The following ZFYVE28 variants were observed in gnomAD, a reference collection of about 807,000 sequenced individuals.
ZFYVE28 encodes the protein lateral signaling target protein 2 homolog.
Under a neutral mutation model 82.1 loss-of-function variants are expected in ZFYVE28, and 40 were observed. The observed-to-expected ratio is 0.49, with a 90% confidence interval of 0.38 to 0.63. The LOEUF is 0.63. ZFYVE28 is among the 30% of genes least tolerant of loss of function. The probability of loss-of-function intolerance (pLI) is 0.00; values close to 1 mark genes in which losing one functional copy is unlikely to be tolerated. For synonymous variants in ZFYVE28, 612 were observed against 546.1 expected (o/e 1.12, Z -1.68); for missense variants, 1,321 against 1,242.1 (o/e 1.06, Z -0.96).
chr4:2,350,597 G>A (rs142037941), intron 2 of ZFYVE28, among the ~76,000 whole-genome samples: 1 of 152,200 alleles, frequency 6.6e-6, no homozygotes, highest in East Asian at 1.9e-4. Flanking sequence ...TGGCTGGGGG[G>A]CCCTAGACAG....
intron 8 of ZFYVE28, among the ~76,000 whole-genome samples, chr4:2,291,239 C>G (rs976738533): frequency 1.3e-5 from 2 of 152,240 alleles, no homozygotes; most frequent in African/African-American, 2.4e-5. Flanking sequence ...AACCCGCTTC[C>G]TCTTGCTTTC....
At chr4:2,274,554 A>T (rs370806675) in intron 8 of ZFYVE28, among the ~76,000 whole-genome samples, 1 of 151,914 alleles carries the variant, frequency 6.6e-6, no homozygotes, top group Non-Finnish European at 1.5e-5. Context: ...GGAAGCGTCA[A>T]CTCACCTTTC....
At chr4:2,412,297 G>T (rs1732605942) in intron 1 of ZFYVE28, among the ~76,000 whole-genome samples, 1 of 152,158 alleles carries the variant, frequency 6.6e-6, no homozygotes, top group Admixed American at 6.5e-5. Context: ...GAAACCCTAA[G>T]GTAGCTAAAC....
intron 1 of ZFYVE28, among the ~76,000 whole-genome samples, chr4:2,393,695 G>A (rs530638771): frequency 6.6e-6 from 1 of 152,328 alleles, no homozygotes; most frequent in South Asian, 2.1e-4. Flanking sequence ...TTAAGCTGCT[G>A]AGACTCCCGC....
At chr4:2,413,861 G>A (rs1220133742) in intron 1 of ZFYVE28, among the ~76,000 whole-genome samples, 3 of 152,194 alleles carry the variant, frequency 2.0e-5, no homozygotes, top group Non-Finnish European at 4.4e-5. Flanking sequence ...CCCCACTCGT[G>A]CCAGGCCCCA....
In ZFYVE28 at chr4:2,341,626, A is replaced by T; in HGVS notation, c.181-11T>A. On this transcript the variant is annotated splice_polypyrimidine_tract_variant and intron_variant, in intron 2 of 12. Coordinates refer to ENST00000290974, the MANE Select transcript of ZFYVE28 (RefSeq NM_020972.3). This position sits in a 1 kb window ranked among gnomAD's most constrained non-coding sequence, Gnocchi z 4.5. The stretch of plus-strand genomic sequence containing the variant: ...GTTCAACACATTGTCCTGAAACAGA[A>T]GACAGGAGAAAGTGCGCCAATCGCT... 1 of 1,597,964 alleles carries T rather than the reference A, an allele frequency of 6.3e-7. No individual in the cohort carries two copies. The highest frequency in any genetic ancestry group is 8.6e-7 in the Non-Finnish European group (1 of 1,166,786).
chr4:2,307,042 A>G lies in ZFYVE28; in HGVS notation c.804-1506T>C, dbSNP rs1716687045. ...CACACCTGCCCACAGCTTGGCTGAC[A>G]GCATGGCTTGCCCCAGGCCCTCGAG... is the stretch of plus-strand genomic sequence containing the variant. On this transcript the variant is annotated intron_variant, in intron 7 of 12. Coordinates refer to ENST00000290974, the MANE Select transcript of ZFYVE28 (RefSeq NM_020972.3). 2.0e-5 allele frequency: 3 copies of G among 152,462 alleles called. No individual in the cohort carries two copies. In the South Asian group the frequency reaches 6.2e-4, roughly 32 times the overall value. The allele number at this position is 152,462 out of a possible 1,614,324, so 9.4% of individuals were successfully genotyped here.
chr4:2,397,123 A>C (rs1560334959), intron 1 of ZFYVE28, among the ~76,000 whole-genome samples: 2 of 152,340 alleles, frequency 1.3e-5, no homozygotes, highest in Admixed American at 1.3e-4. Context: ...TGATGTAAAC[A>C]TAACACAAAA....
intron 1 of ZFYVE28, chr4:2,364,470 T>C (rs1377428197): frequency 2.0e-6 from 2 of 985,280 alleles, no homozygotes; most frequent in Admixed American, 6.1e-5. Flanking sequence ...TCAATTCACA[T>C]CAATAAGTAC....
chr4:2,322,878 C>T (rs186716439), intron 6 of ZFYVE28, among the ~76,000 whole-genome samples: 64 of 152,290 alleles, frequency 4.2e-4, no homozygotes, highest in African/African-American at 1.4e-3. Context: ...CTTTGCACCA[C>T]GTTTTCAAGG....
chr4:2,349,192 C>T (rs1179042), intron 2 of ZFYVE28, among the ~76,000 whole-genome samples: 13,340 of 152,034 alleles, frequency 0.088, 763 homozygotes, highest in Middle Eastern at 0.22. Flanking sequence ...TTTGGCAGCT[C>T]GACACAGTTT....
chr4:2,299,237 GAAC>G (rs749293236), intron 8 of ZFYVE28, among the ~76,000 whole-genome samples: 4 of 152,124 alleles, frequency 2.6e-5, no homozygotes, highest in Admixed American at 6.5e-5. Flanking sequence ...GGCGCTAACA[GAAC>G]AACTGCCCAG....
intron 2 of ZFYVE28, among the ~76,000 whole-genome samples, chr4:2,352,954 C>T (rs1724692339): frequency 6.6e-6 from 1 of 152,220 alleles, no homozygotes; most frequent in Admixed American, 6.5e-5. Context: ...GCTCCAGGGC[C>T]CCCAGCACCT....
intron 8 of ZFYVE28, among the ~76,000 whole-genome samples, chr4:2,282,720 GACTA>G (rs1712119781): frequency 6.6e-6 from 1 of 152,206 alleles, no homozygotes; most frequent in African/African-American, 2.4e-5. Context: ...ACTTTGGAAA[GACTA>G]ACAGCATCAC....
chr4:2,320,100 T>G lies in ZFYVE28; in HGVS notation c.803+70A>C, dbSNP rs1306841568. On this transcript the variant is annotated intron_variant, in intron 7 of 12. Transcript: ENST00000290974. The surrounding 1 kb of genome is among the most constrained non-coding windows in gnomAD (Gnocchi z 5.1). The stretch of plus-strand genomic sequence containing the variant: ...AGGACCTGGAGGCGGCGGCTAAACA[T>G]GACTTCAGCGCCCACCTGTGGCCCT... The G allele has an allele frequency of 4.1e-6, 6 of 1,476,390 alleles. No individual in the cohort carries two copies. The highest frequency in any genetic ancestry group is 5.6e-6 in the Non-Finnish European group (6 of 1,062,312). The allele number at this position is 1,476,390 out of a possible 1,614,324, so 91.5% of individuals were successfully genotyped here.
At chr4:2,271,011 C>T in intron 12 of ZFYVE28, 155 bp from the exon 13 acceptor site, 1 of 1,169,716 alleles carries the variant, frequency 8.5e-7, no homozygotes, top group Non-Finnish European at 1.2e-6. Flanking sequence ...CTTCAGGAGG[C>T]TGGACTCTAT....
At chr4:2,405,084 C>T (rs919214513) in intron 1 of ZFYVE28, among the ~76,000 whole-genome samples, 6 of 152,142 alleles carry the variant, frequency 3.9e-5, no homozygotes, top group African/African-American at 1.2e-4. Flanking sequence ...AAAAATGAAC[C>T]ATAACTAACC....
intron 6 of ZFYVE28, chr4:2,330,567 T>C: frequency 1.7e-6 from 2 of 1,155,402 alleles, no homozygotes; most frequent in Non-Finnish European, 2.1e-6. Flanking sequence ...GCATGGAGAA[T>C]GGGATAGCAT....
At position 2,411,999 on chromosome 4, in the gene ZFYVE28, G is replaced by A. The variant is rs571705679; in HGVS notation, c.39+6286C>T. On this transcript the variant is annotated intron_variant, in intron 1 of 12. Transcript: ENST00000290974. The stretch of plus-strand genomic sequence containing the variant: ...CAGCCCTGGTCCTGACAACCATAGA[G>A]GAGGCAGGTGCTCACGTGGTGAGTG... Among the ~76,000 whole-genome samples, 35 of 152,338 alleles carry A rather than the reference G, an allele frequency of 2.3e-4. 1 individual carries two copies. The highest frequency in any genetic ancestry group is 4.6e-4 in the Non-Finnish European group (31 of 68,022).
Sources: gnomAD v4.1 joint callset for allele counts (sites outside exome capture counted in the v4.1 genomes callset) on GRCh38, gnomAD v4.1.1 for gene constraint, Gnocchi (gnomAD v3.1) non-coding constraint, MANE v1.5 for transcripts, NCBI Gene and HGNC (gene_info 2026-07-23, HGNC 2026-07-21) for gene names.